FOXP1: variants seen among roughly 807,000 people sequenced by gnomAD.
The protein encoded by FOXP1 is forkhead box protein P1.
Under a neutral mutation model 98.2 loss-of-function variants are expected in FOXP1, and 15 were observed. The observed-to-expected ratio is 0.15, with a 90% CI of 0.10 to 0.24. FOXP1 has a LOEUF of 0.24. Ranked by LOEUF, FOXP1 falls within the 10% of genes least tolerant of loss-of-function variation. The pLI, the probability that FOXP1 is intolerant of heterozygous loss-of-function variation, is 1.00. For synonymous variants in FOXP1, 371 were observed against 314.5 expected (o/e 1.18, Z -1.90); for missense variants, 633 against 848.5 (o/e 0.75, Z 3.15).
At chr3:71,358,497 G>A (rs1361010386) in intron 4 of FOXP1, among the ~76,000 whole-genome samples, 1 of 152,186 alleles carries the variant, frequency 6.6e-6, no homozygotes, top group Non-Finnish European at 1.5e-5. Context: ...TTCGTAAGGA[G>A]TTTCGAAATT....
intron 2 of FOXP1, among the ~76,000 whole-genome samples, chr3:71,521,508 C>G (rs2042983757): frequency 7.7e-6 from 1 of 129,114 alleles, no homozygotes; most frequent in Non-Finnish European, 1.6e-5. Flanking sequence ...GTTTGGCCAA[C>G]AGAGTGAGAC....
chr3:71,315,576 A>G (rs2075029725), intron 4 of FOXP1, among the ~76,000 whole-genome samples: 1 of 152,156 alleles, frequency 6.6e-6, no homozygotes, highest in African/African-American at 2.4e-5. Flanking sequence ...AATATCTTAG[A>G]GCTAAAATGT....
At chr3:71,490,364 G>T (rs2090973927) in intron 3 of FOXP1, among the ~76,000 whole-genome samples, 1 of 152,086 alleles carries the variant, frequency 6.6e-6, no homozygotes, top group Non-Finnish European at 1.5e-5. Flanking sequence ...TGGGTGTGGT[G>T]GTGGGCACCT....
chr3:71,302,725 CA>C (rs2073954496), intron 4 of FOXP1: 1 of 152,090 alleles, frequency 6.6e-6, no homozygotes, highest in Non-Finnish European at 1.5e-5. Context: ...TTCTCTGTAA[CA>C]GTTAAGATCC....
intron 20 of FOXP1, among the ~76,000 whole-genome samples, chr3:70,961,027 G>A (rs2033331393): frequency 1.3e-5 from 2 of 151,688 alleles, no homozygotes; most frequent in South Asian, 4.2e-4. Flanking sequence ...TGTATTTTTA[G>A]TAGAGAAGAG....
At chr3:71,571,339 T>C (rs931855253) in intron 2 of FOXP1, 1 of 152,226 alleles carries the variant, frequency 6.6e-6, no homozygotes, top group Non-Finnish European at 1.5e-5. Flanking sequence ...CCGACTTTAA[T>C]AGCCCCTGGT....
At chr3:71,111,996 T>C (rs1009666211) in intron 7 of FOXP1, among the ~76,000 whole-genome samples, 2 of 151,964 alleles carry the variant, frequency 1.3e-5, no homozygotes, top group South Asian at 2.1e-4. Context: ...GTCCTGTGCA[T>C]TGCAGGATGT....
intron 11 of FOXP1, among the ~76,000 whole-genome samples, chr3:71,020,919 G>A (rs1445734209): frequency 1.3e-5 from 2 of 152,064 alleles, no homozygotes; most frequent in Non-Finnish European, 2.9e-5. Context: ...CCAAAAAAAC[G>A]AAATCCTGCC....
intron 11 of FOXP1, among the ~76,000 whole-genome samples, chr3:71,026,907 A>T (rs1215738786): frequency 6.6e-6 from 1 of 152,212 alleles, no homozygotes; most frequent in Non-Finnish European, 1.5e-5. Flanking sequence ...AAATGCCTGT[A>T]TTTGCAAGGT....
intron 6 of FOXP1, 46 bp downstream of exon 6, chr3:71,198,156 A>C: frequency 6.2e-7 from 1 of 1,613,972 alleles, no homozygotes; most frequent in South Asian, 1.1e-5. Context: ...CAGCAGTAAA[A>C]TTCGCACCCA....
At chr3:71,093,135 C>A (rs1030614627) in intron 7 of FOXP1, among the ~76,000 whole-genome samples, 1 of 151,656 alleles carries the variant, frequency 6.6e-6, no homozygotes, top group African/African-American at 2.4e-5. Flanking sequence ...GTGGCACACG[C>A]CTCAGCTACT....
At chr3:71,292,244 A>G (rs934626252) in intron 5 of FOXP1, among the ~76,000 whole-genome samples, 6 of 152,198 alleles carry the variant, frequency 3.9e-5, no homozygotes, top group African/African-American at 1.4e-4. Context: ...TGAGCATGTA[A>G]GCTACCATGG....
At chr3:71,063,607 GATAAA>G (rs1429933495) in intron 7 of FOXP1, among the ~76,000 whole-genome samples, 1 of 152,204 alleles carries the variant, frequency 6.6e-6, no homozygotes, top group African/African-American at 2.4e-5. Flanking sequence ...ACTTCCTAAT[GATAAA>G]ATAAATGTAA....
chr3:71,462,529 G>A (rs970452847), intron 3 of FOXP1, among the ~76,000 whole-genome samples: 5 of 152,168 alleles, frequency 3.3e-5, no homozygotes, highest in Non-Finnish European at 5.9e-5. Context: ...GTAAGCTCCA[G>A]TCGCCGTTCA....
rs572568763 is a variant in FOXP1, at chr3:71,049,819, C to G, written c.510+2718G>C. On this transcript the variant is annotated intron_variant, in intron 9 of 20. Coordinates refer to ENST00000649528, the MANE Select transcript of FOXP1 (RefSeq NM_001349338.3). ...TCCATCTCATTTTAGCACAAAAGGA[C>G]CACCACCTGCATGATAATTCCAGGA... is the stretch of plus-strand genomic sequence containing the variant. 6.6e-5 allele frequency among the ~76,000 whole-genome samples: 10 copies of G among 152,264 alleles called. No homozygotes were observed. In the South Asian group the frequency reaches 2.1e-3, roughly 32 times the overall value.
At chr3:71,507,863 C>T (rs1403299751) in intron 2 of FOXP1, among the ~76,000 whole-genome samples, 1 of 152,212 alleles carries the variant, frequency 6.6e-6, no homozygotes, top group African/African-American at 2.4e-5. Context: ...AGGCATGAGC[C>T]ACAATACCCA....
chr3:70,970,615 TAAGAA>T, intron 19 of FOXP1, 116 bp downstream of exon 19: 3 of 885,816 alleles, frequency 3.4e-6, no homozygotes, highest in Non-Finnish European at 5.8e-6. Context: ...TTTGTGCACT[TAAGAA>T]AAAAGTTTAA....
rs1243641187 is a variant in FOXP1 at position 70,954,813 on chromosome 3, G to A, written c.*4434C>T. 6 of 231,498 alleles carry A rather than the reference G, an allele frequency of 2.6e-5. No individual in the cohort carries two copies. The highest frequency in any genetic ancestry group is 6.1e-5 in the East Asian group (1 of 16,388). 14.3% of individuals were successfully genotyped at this position (231,498 alleles called of 1,614,324 possible). ...AACATTTTTTTTATTGTCTGTATCC[G>A]CAGACATGGAATGATGGAATTACAG... On this transcript the variant is annotated 3_prime_UTR_variant, in exon 21 of 21. Transcript: ENST00000649528.
intron 3 of FOXP1, among the ~76,000 whole-genome samples, chr3:71,444,357 C>T (rs2086217141): frequency 6.7e-6 from 1 of 150,274 alleles, no homozygotes; most frequent in African/African-American, 2.4e-5. Flanking sequence ...GAGGAGGCCT[C>T]AAACAATCAA....
Sources: gnomAD v4.1 joint callset for allele counts (sites outside exome capture counted in the v4.1 genomes callset) on GRCh38, gnomAD v4.1.1 for gene constraint, MANE v1.5 for transcripts, NCBI Gene and HGNC (gene_info 2026-07-23, HGNC 2026-07-21) for gene names.